Variants in CDK8 observed in about 807,000 individuals in gnomAD.
CDK8 encodes the protein cyclin dependent kinase 8.
In CDK8, 29 loss-of-function variants were observed where a neutral mutation model predicts 71.5. The ratio of observed to expected loss-of-function variants is 0.41; its 90% CI spans 0.30 to 0.55. The LOEUF (loss-of-function observed/expected upper bound fraction) is 0.55. Ranked by LOEUF, CDK8 falls within the 20% of genes least tolerant of loss-of-function variation. CDK8 has a pLI of 0.37. For synonymous variants in CDK8, 161 were observed against 192.1 expected (o/e 0.84, Z 1.34); for missense variants, 288 against 572.6 (o/e 0.50, Z 5.07).
At chr13:26,292,254 C>T (rs910539447) in intron 1 of CDK8, among the ~76,000 whole-genome samples, 3 of 152,016 alleles carry the variant, frequency 2.0e-5, no homozygotes, top group Admixed American at 6.6e-5. Context: ...ATTCTTACAC[C>T]GTTTTCTACT....
chr13:26,289,452 TTG>T (rs1873193450), intron 1 of CDK8, among the ~76,000 whole-genome samples: 1 of 151,788 alleles, frequency 6.6e-6, no homozygotes, highest in African/African-American at 2.4e-5. Context: ...TAAATTTATA[TTG>T]TTTGTTACTT....
At chr13:26,402,478 A>T (rs1475507487) in intron 12 of CDK8, among the ~76,000 whole-genome samples, 1 of 152,186 alleles carries the variant, frequency 6.6e-6, no homozygotes, top group Non-Finnish European at 1.5e-5. Context: ...ACAAAAAAAA[A>T]GAGAGAGAGA....
chr13:26,388,224 A>C (rs1292145914), intron 6 of CDK8, among the ~76,000 whole-genome samples: 1 of 152,232 alleles, frequency 6.6e-6, no homozygotes, highest in Non-Finnish European at 1.5e-5. Context: ...CAGAAAAATA[A>C]GTCAGTTAGA....
chr13:26,383,155 T>A (rs1417583202), intron 5 of CDK8, among the ~76,000 whole-genome samples: 1 of 152,222 alleles, frequency 6.6e-6, no homozygotes, highest in East Asian at 1.9e-4. Context: ...CTTCTATCTC[T>A]GTTAGAGGCC....
At chr13:26,397,376 T>A (rs1876046465) in intron 9 of CDK8, 151 bp downstream of exon 9, 1 of 563,966 alleles carries the variant, frequency 1.8e-6, no homozygotes, top group Non-Finnish European at 3.2e-6. Flanking sequence ...TGCATACCAA[T>A]AAAGACAATA....
chr13:26,349,965 G>A (rs1354376651), intron 3 of CDK8, among the ~76,000 whole-genome samples: 2 of 152,064 alleles, frequency 1.3e-5, no homozygotes, highest in Non-Finnish European at 2.9e-5. Flanking sequence ...GTTTACATAT[G>A]TTTAGATAAC....
At chr13:26,348,081 T>TATATCTATATAG (rs1163485352) in intron 2 of CDK8, among the ~76,000 whole-genome samples, 2 of 151,870 alleles carry the variant, frequency 1.3e-5, no homozygotes, top group Non-Finnish European at 2.9e-5. Flanking sequence ...TATCTATATA[T>TATATCTATATAG]ATATCTATAT....
intron 1 of CDK8, among the ~76,000 whole-genome samples, chr13:26,304,790 C>A (rs1002126318): frequency 2.6e-5 from 4 of 151,826 alleles, no homozygotes; most frequent in African/African-American, 7.3e-5. Context: ...GTGCACACTA[C>A]CATACCCAGC....
At chr13:26,347,622 G>T (rs1026932803) in intron 2 of CDK8, among the ~76,000 whole-genome samples, 3 of 152,132 alleles carry the variant, frequency 2.0e-5, no homozygotes, top group Non-Finnish European at 4.4e-5. Context: ...ATGGGCAAAA[G>T]ACATACTAAA....
intron 1 of CDK8, among the ~76,000 whole-genome samples, chr13:26,261,187 T>C (rs1593222544): frequency 6.6e-6 from 1 of 152,256 alleles, no homozygotes; most frequent in African/African-American, 2.4e-5. Context: ...TTCTTTAATA[T>C]AGTTATTGTC....
At chr13:26,350,991 T>A (rs916723662) in intron 3 of CDK8, among the ~76,000 whole-genome samples, 1 of 152,006 alleles carries the variant, frequency 6.6e-6, no homozygotes, top group Non-Finnish European at 1.5e-5. Flanking sequence ...AGATAAAACT[T>A]TGAGATATAT....
At chr13:26,272,466 G>A (rs1049267617) in intron 1 of CDK8, among the ~76,000 whole-genome samples, 1 of 152,214 alleles carries the variant, frequency 6.6e-6, no homozygotes, top group Admixed American at 6.5e-5. Flanking sequence ...ACATGGAGCT[G>A]TCATCTCCTA....
At chr13:26,394,056 A>C (rs560312312) in intron 7 of CDK8, among the ~76,000 whole-genome samples, 10 of 152,316 alleles carry the variant, frequency 6.6e-5, no homozygotes, top group African/African-American at 2.4e-4. Context: ...GCTGTTTTGC[A>C]ACAGAGAGAT....
At position 26,349,095 on chromosome 13, in the gene CDK8, A is replaced by C. The variant is rs771901589; in HGVS notation, c.228A>C (p.Pro76=). The C allele has an allele frequency of 2.5e-6, 4 of 1,611,950 alleles. No individual in the cohort carries two copies. The South Asian group carries it at 4.4e-5, about 18-fold the overall frequency. Reference sequence around the variant, plus strand: ...AGTTACTTCGAGAGCTTAAGCATCCAAACGTCATTTCTCTTCAAAAGGTGT... The same window carrying C: ...AGTTACTTCGAGAGCTTAAGCATCCCAACGTCATTTCTCTTCAAAAGGTGT... ...EIALLRELKH[P]NVISLQKVFL... The change falls in exon 3 of 13, where the codon CCA becomes CCC. Residue 76 remains proline (P), a synonymous_variant. Transcript: ENST00000381527.
At chr13:26,255,852 T>C (rs1266391916) in intron 1 of CDK8, among the ~76,000 whole-genome samples, 1 of 152,100 alleles carries the variant, frequency 6.6e-6, no homozygotes, top group African/African-American at 2.4e-5. Context: ...GGTAGGAGAG[T>C]ATGTTCAGAC....
chr13:26,385,110 G>A, intron 5 of CDK8, 101 bp from the exon 6 acceptor site: 1 of 949,378 alleles, frequency 1.1e-6, no homozygotes, highest in Non-Finnish European at 1.5e-6. Flanking sequence ...CTAGAATTGA[G>A]CACATTTTTC....
rs1462335315 is a variant in CDK8 at position 26,404,676 on chromosome 13, T to C, written c.*595T>C. On this transcript the variant is annotated 3_prime_UTR_variant, in exon 13 of 13. Coordinates refer to ENST00000381527, the MANE Select transcript of CDK8 (RefSeq NM_001260.3). ...GAAAGTACAAAAAGCCACATAGTTT[T>C]TCCAGAAAGGTTTCAAAACTCCCAA... The C allele has an allele frequency of 8.7e-6, 2 of 229,746 alleles. No individual in the cohort carries two copies. The highest frequency in any genetic ancestry group is 1.7e-5 in the Non-Finnish European group (2 of 116,008). The allele number at this position is 229,746 out of a possible 1,614,324, so 14.2% of individuals were successfully genotyped here. A position where few individuals can be genotyped will look rare whatever the true frequency, so the allele number is the denominator to read the frequency against.
chr13:26,367,506 C>G (rs1874446893), intron 4 of CDK8, among the ~76,000 whole-genome samples: 1 of 152,070 alleles, frequency 6.6e-6, no homozygotes, highest in Non-Finnish European at 1.5e-5. Context: ...AAGCATTAAC[C>G]TGTCTGTCAC....
intron 4 of CDK8, among the ~76,000 whole-genome samples, chr13:26,364,330 T>C (rs1348278224): frequency 6.6e-6 from 1 of 152,210 alleles, no homozygotes; most frequent in East Asian, 1.9e-4. Flanking sequence ...TTGATTCAGT[T>C]ATGTATATTT....
Sources: allele counts gnomAD v4.1 joint callset (sites outside exome capture counted in the v4.1 genomes callset), GRCh38; gene constraint gnomAD v4.1.1; transcripts MANE v1.5; gene names NCBI Gene and HGNC (gene_info 2026-07-23, HGNC 2026-07-21).